The following NIPA1 variants were observed in gnomAD, a reference collection of about 807,000 sequenced individuals.
NIPA1 encodes the protein magnesium transporter NIPA1.
A neutral mutation model predicts 23.9 loss-of-function variants in NIPA1; 13 were observed. That is an observed-to-expected ratio of 0.54 (90% CI 0.35 to 0.87). The LOEUF is 0.87. NIPA1 is among the 40% of genes least tolerant of loss of function. NIPA1 has a pLI of 0.01. For synonymous variants in NIPA1, 234 were observed against 202.9 expected (o/e 1.15, Z -1.30); for missense variants, 362 against 429.7 (o/e 0.84, Z 1.39).
intron 1 of NIPA1, among the ~76,000 whole-genome samples, chr15:22,801,390 CA>C (rs1595635095): frequency 1.3e-5 from 2 of 151,694 alleles, no homozygotes; most frequent in Non-Finnish European, 2.9e-5. Flanking sequence ...TCTCAGGCCT[CA>C]GGGTGCGTGG....
At chr15:22,809,944 G>A (rs1429436285) in intron 1 of NIPA1, among the ~76,000 whole-genome samples, 1 of 152,140 alleles carries the variant, frequency 6.6e-6, no homozygotes, top group African/African-American at 2.4e-5. Flanking sequence ...TAGGGAGGGT[G>A]AGGCAGGAGA....
intron 4 of NIPA1, among the ~76,000 whole-genome samples, chr15:22,822,169 C>T (rs1276497475): frequency 2.0e-5 from 3 of 152,136 alleles, no homozygotes; most frequent in Non-Finnish European, 4.4e-5. Flanking sequence ...AAGAACAATC[C>T]TCCCTCAATT....
At position 22,827,588 on chromosome 15, in the gene NIPA1, T is replaced by C. The variant is rs1895677476; in HGVS notation, c.*3349T>C. On this transcript the variant is annotated 3_prime_UTR_variant, in exon 5 of 5. Transcript: ENST00000337435. The stretch of plus-strand genomic sequence containing the variant: ...TAAGGAATATTCTTTCAATTCCTGC[T>C]CTTCAAGCCAATTTACTACACCCAG... 1 of 152,226 alleles carries C rather than the reference T, an allele frequency of 6.6e-6. No homozygotes were observed. The highest frequency in any genetic ancestry group is 2.4e-5 in the African/African-American group (1 of 41,448). The allele number at this position is 152,226 out of a possible 1,614,324, so 9.4% of individuals were successfully genotyped here. A position where few individuals can be genotyped will look rare whatever the true frequency, so the allele number is the denominator to read the frequency against.
rs1239953366 is a variant in NIPA1, at chr15:22,793,378, AG to A, written c.178+6545del. On this transcript the variant is annotated intron_variant, in intron 1 of 4. Transcript: ENST00000337435. ...GTCTCAAAAAAAAAAAAAAAAAAAAAGAGAATACATGGTATTGTTGCTAAGT... is the reference window on the plus strand; with the variant it reads ...GTCTCAAAAAAAAAAAAAAAAAAAAAAGAATACATGGTATTGTTGCTAAGT... Among the ~76,000 whole-genome samples the A allele has an allele frequency of 1.9e-4, 28 of 150,564 alleles. No individual in the cohort carries two copies. The South Asian group carries it at 5.1e-3, about 27-fold the overall frequency.
At chr15:22,793,524 T>G (rs1342744098) in intron 1 of NIPA1, among the ~76,000 whole-genome samples, 1 of 151,690 alleles carries the variant, frequency 6.6e-6, no homozygotes, top group Admixed American at 6.6e-5. Flanking sequence ...CACTGCAACC[T>G]CCACCTGCCA....
intron 3 of NIPA1, chr15:22,813,839 G>A (rs1895364335): frequency 1.1e-5 from 4 of 380,654 alleles, no homozygotes; most frequent in Non-Finnish European, 2.1e-5. Context: ...TGTTTCGGAT[G>A]GCTCTGAGGC....
At chr15:22,794,230 T>A (rs554977356) in intron 1 of NIPA1, among the ~76,000 whole-genome samples, 1 of 151,752 alleles carries the variant, frequency 6.6e-6, no homozygotes, top group African/African-American at 2.4e-5. Context: ...TGGAGGACAT[T>A]GTGCTGAGCG....
chr15:22,817,451 A>G (rs1291211739), intron 3 of NIPA1, among the ~76,000 whole-genome samples: 1 of 149,176 alleles, frequency 6.7e-6, no homozygotes, highest in East Asian at 2.0e-4. Context: ...GTGAGCCGAG[A>G]TCGGGCCATT....
intron 4 of NIPA1, among the ~76,000 whole-genome samples, chr15:22,822,505 G>A (rs1261772380): frequency 1.3e-5 from 2 of 152,050 alleles, no homozygotes; most frequent in Admixed American, 6.6e-5. Flanking sequence ...TTGAAACCTC[G>A]GAGCATCTCC....
At chr15:22,806,311 T>C (rs1449609785) in intron 1 of NIPA1, among the ~76,000 whole-genome samples, 1 of 152,234 alleles carries the variant, frequency 6.6e-6, no homozygotes, top group Admixed American at 6.5e-5. Flanking sequence ...AGCATCACTG[T>C]CAGTTGATAC....
intron 1 of NIPA1, among the ~76,000 whole-genome samples, chr15:22,792,142 A>G (rs1566775726): frequency 1.3e-5 from 2 of 152,176 alleles, no homozygotes; most frequent in Non-Finnish European, 2.9e-5. Context: ...AAACATTCAC[A>G]GGATGTGAAT....
chr15:22,786,581 G>A, upstream of NIPA1: 1 of 392,658 alleles, frequency 2.5e-6, no homozygotes, highest in Non-Finnish European at 3.5e-6. Flanking sequence ...CCCCGCCCGC[G>A]CCTCCCGGTC....
chr15:22,807,782 TTGTGTGTGTG>T (rs71117484), intron 1 of NIPA1, among the ~76,000 whole-genome samples: 1 of 145,826 alleles, frequency 6.9e-6, no homozygotes, highest in East Asian at 2.0e-4. Flanking sequence ...TTAAATTCAC[TTGTGTGTGTG>T]TGTGTGTGTG....
intron 1 of NIPA1, among the ~76,000 whole-genome samples, chr15:22,809,898 C>T: frequency 6.6e-6 from 1 of 152,070 alleles, no homozygotes; most frequent in East Asian, 1.9e-4. Context: ...ACAAAATTAG[C>T]TGGGCATGGT....
intron 1 of NIPA1, among the ~76,000 whole-genome samples, chr15:22,793,140 A>G (rs1894866822): frequency 6.6e-6 from 1 of 151,722 alleles, no homozygotes; most frequent in East Asian, 2.0e-4. Flanking sequence ...ACCTGAGGTC[A>G]GGAGTTCAAG....
chr15:22,823,392 G>C (rs982047417), intron 4 of NIPA1, among the ~76,000 whole-genome samples: 11 of 151,862 alleles, frequency 7.2e-5, no homozygotes, highest in Non-Finnish European at 1.0e-4. Flanking sequence ...AGTAGAGACG[G>C]GGTTTCACCA....
chr15:22,794,527 TA>T (rs113533633), intron 1 of NIPA1, among the ~76,000 whole-genome samples: 4,312 of 152,200 alleles, frequency 0.028, 196 homozygotes, highest in African/African-American at 0.098. Flanking sequence ...TTTACCAAAA[TA>T]AAACATGCTT....
intron 2 of NIPA1, chr15:22,811,189 T>C (rs1326325310): frequency 7.6e-6 from 2 of 262,572 alleles, no homozygotes; most frequent in East Asian, 8.3e-5. Flanking sequence ...CTCAGCACAG[T>C]TGGTTTAACA....
rs969336276 is a variant in NIPA1 at position 22,824,110 on chromosome 15, C to T, written c.861C>T (p.Gly287=). 19 of 1,614,090 alleles carry T rather than the reference C, an allele frequency of 1.2e-5. No homozygotes were observed. The highest frequency in any genetic ancestry group is 1.6e-4 in the Middle Eastern group (1 of 6,062). The change falls in exon 5 of 5, where the codon GGC becomes GGT. Residue 287 remains glycine (G), a synonymous_variant. Coordinates refer to ENST00000337435, the MANE Select transcript of NIPA1 (RefSeq NM_144599.5). The surrounding 1 kb of genome is among the most constrained non-coding windows in gnomAD (Gnocchi z 4.1). ...AILFREWSNV[G]LVDFLGMACG... is the part of the protein sequence containing the mutation. ...TCTTCCGGGAGTGGAGCAACGTGGG[C>T]CTGGTGGACTTCTTGGGGATGGCCT...
Sources: allele counts gnomAD v4.1 joint callset (sites outside exome capture counted in the v4.1 genomes callset), GRCh38; gene constraint gnomAD v4.1.1; non-coding constraint Gnocchi (gnomAD v3.1); transcripts MANE v1.5; gene names NCBI Gene and HGNC (gene_info 2026-07-23, HGNC 2026-07-21).